PTPRN2: variants seen among roughly 807,000 people sequenced by gnomAD.
PTPRN2 encodes the protein receptor-type tyrosine-protein phosphatase N2.
In PTPRN2, 74 loss-of-function variants were observed where a neutral mutation model predicts 118.8. The observed-to-expected ratio is 0.62, with a 90% CI of 0.52 to 0.76. The LOEUF (loss-of-function observed/expected upper bound fraction) is 0.76. Ranked by LOEUF, PTPRN2 falls within the 30% of genes least tolerant of loss-of-function variation. The pLI is 0.00. For synonymous variants in PTPRN2, 641 were observed against 608.0 expected, an observed-to-expected ratio of 1.05 and a Z score of -0.80; for missense variants, 1,481 against 1,394.4, an observed-to-expected ratio of 1.06 and a Z score of -0.99.
chr7:158,404,710 CCCGGCCCCCAGCTCT>C (rs1347781855), intron 2 of PTPRN2, among the ~76,000 whole-genome samples: 96 of 149,138 alleles, frequency 6.4e-4, no homozygotes, highest in African/African-American at 1.9e-3. Context: ...CCTCCAGCTC[CCCGGCCCCCAGCTCT>C]CCGGCCCCCA....
At chr7:157,876,816 C>T (rs1387197730) in intron 12 of PTPRN2, among the ~76,000 whole-genome samples, 2 of 152,210 alleles carry the variant, frequency 1.3e-5, no homozygotes, top group Non-Finnish European at 1.5e-5. Flanking sequence ...CCAGCAGCCA[C>T]CTGGGGACAG....
At chr7:158,323,863 A>C (rs886930037) in intron 2 of PTPRN2, among the ~76,000 whole-genome samples, 1 of 152,086 alleles carries the variant, frequency 6.6e-6, no homozygotes, top group African/African-American at 2.4e-5. Context: ...ATGCACATTC[A>C]TACCTGCATG....
At position 157,655,696 on chromosome 7, in the gene PTPRN2, G is replaced by A. The variant is rs367728226; in HGVS notation, c.2196+661C>T. 3.2e-4 allele frequency among the ~76,000 whole-genome samples: 49 copies of A among 152,318 alleles called. No individual in the cohort carries two copies. In the South Asian group the frequency reaches 8.5e-3, roughly 26 times the overall value. ...GGTCACCCACCAGGACGACGCCTAC[G>A]GCCTGGAGATCCAGGAGGCAGCCAG... On this transcript the variant is annotated intron_variant, in intron 14 of 22. Coordinates refer to ENST00000389418, the MANE Select transcript of PTPRN2 (RefSeq NM_002847.5).
chr7:158,397,914 C>A (rs191134428), intron 2 of PTPRN2, among the ~76,000 whole-genome samples: 11 of 152,260 alleles, frequency 7.2e-5, no homozygotes, highest in African/African-American at 2.4e-4. Context: ...TTTCCAATGC[C>A]ATGAACGTAA....
chr7:158,432,132 G>A (rs1191662377), intron 2 of PTPRN2, among the ~76,000 whole-genome samples: 1 of 152,236 alleles, frequency 6.6e-6, no homozygotes, highest in Non-Finnish European at 1.5e-5. Context: ...GGGCGGGGAG[G>A]ACTCAGAGTT....
At chr7:158,462,624 C>T (rs1433851824) in intron 2 of PTPRN2, among the ~76,000 whole-genome samples, 1 of 152,132 alleles carries the variant, frequency 6.6e-6, no homozygotes, top group African/African-American at 2.4e-5. Flanking sequence ...AGGAGTGGTT[C>T]CTCAATGAAT....
intron 5 of PTPRN2, among the ~76,000 whole-genome samples, chr7:158,187,137 A>G (rs1045822846): frequency 5.9e-5 from 9 of 152,264 alleles, no homozygotes; most frequent in Non-Finnish European, 1.2e-4. Context: ...TAAGTGCTCA[A>G]TTAGTGTTTA....
At chr7:158,531,044 A>T (rs1825192347) in intron 1 of PTPRN2, among the ~76,000 whole-genome samples, 1 of 152,146 alleles carries the variant, frequency 6.6e-6, no homozygotes, top group Admixed American at 6.5e-5. Context: ...GAACATGTGC[A>T]TGGGCGTGGG....
intron 13 of PTPRN2, among the ~76,000 whole-genome samples, chr7:157,657,737 CAT>C (rs1795643555): frequency 7.6e-6 from 1 of 131,314 alleles, no homozygotes; most frequent in South Asian, 2.6e-4. Context: ...ACACATCACA[CAT>C]ATACACACAC....
intron 12 of PTPRN2, among the ~76,000 whole-genome samples, chr7:157,809,034 A>G (rs1026565299): frequency 2.5e-4 from 38 of 152,312 alleles, no homozygotes; most frequent in African/African-American, 8.7e-4. Context: ...ACTTGCTTTT[A>G]TGTGGAATGT....
At chr7:157,741,163 C>T (rs1800613251) in intron 12 of PTPRN2, among the ~76,000 whole-genome samples, 1 of 152,244 alleles carries the variant, frequency 6.6e-6, no homozygotes, top group Non-Finnish European at 1.5e-5. Flanking sequence ...CCCTGTCCAC[C>T]AGCCCTATGG....
In PTPRN2 at chr7:158,093,903, G is replaced by A. The variant is rs1055362653; in HGVS notation, c.1644-12526C>T. The stretch of plus-strand genomic sequence containing the variant: ...TGCAAGATAATTTAACATCATGCAA[G>A]CCTTAATGAAAACATAATTATTAAT... On this transcript the variant is annotated intron_variant, in intron 10 of 22. Transcript: ENST00000389418. This position sits in a 1 kb window ranked among gnomAD's most constrained non-coding sequence, Gnocchi z 4.4. Among the ~76,000 whole-genome samples, 1 of 152,176 alleles carries A rather than the reference G, an allele frequency of 6.6e-6. No individual in the cohort carries two copies. The highest frequency in any genetic ancestry group is 6.5e-5 in the Admixed American group (1 of 15,278).
rs147477247 is a variant in PTPRN2 at position 158,568,932 on chromosome 7, T to C, written c.112+18626A>G. On this transcript the variant is annotated intron_variant, in intron 1 of 22. Transcript: ENST00000389418. ...CTTTAGCCCAGGAGTTTGAGGACAG[T>C]CTGGTCAACATAGTGAGACCCCATC... Among the ~76,000 whole-genome samples the C allele has an allele frequency of 1.4e-3, 214 of 152,214 alleles. 2 individuals carry two copies. Among genetic ancestry groups the C allele is most frequent in the African/African-American group, 5.0e-3 (208 of 41,544 alleles).
intron 12 of PTPRN2, among the ~76,000 whole-genome samples, chr7:157,687,695 T>C (rs776576902): frequency 2.6e-5 from 4 of 152,234 alleles, no homozygotes; most frequent in Non-Finnish European, 4.4e-5. Context: ...CTTAGAATTA[T>C]TAGGAAATTT....
intron 3 of PTPRN2, among the ~76,000 whole-genome samples, chr7:158,296,006 T>C (rs4909170): frequency 0.96 from 146,282 of 152,296 alleles, 70,327 homozygotes; most frequent in African/African-American, 0.99. Flanking sequence ...GCTTCTGATA[T>C]GGGAGATGGG....
At chr7:158,009,231 C>G (rs1190289444) in intron 11 of PTPRN2, among the ~76,000 whole-genome samples, 1 of 152,114 alleles carries the variant, frequency 6.6e-6, no homozygotes, top group Non-Finnish European at 1.5e-5. Context: ...TGAAAACGCT[C>G]TGATCAATGA....
intron 1 of PTPRN2, among the ~76,000 whole-genome samples, chr7:158,522,979 G>A (rs1221902190): frequency 1.3e-5 from 2 of 152,202 alleles, no homozygotes; most frequent in East Asian, 1.9e-4. Context: ...CCAAAAATGG[G>A]AATTTCAAGA....
At chr7:158,017,481 C>T (rs918365530) in intron 11 of PTPRN2, among the ~76,000 whole-genome samples, 3 of 152,214 alleles carry the variant, frequency 2.0e-5, no homozygotes, top group African/African-American at 7.2e-5. Context: ...GAGTCCAGGC[C>T]TGAACTAGCA....
intron 2 of PTPRN2, among the ~76,000 whole-genome samples, chr7:158,457,968 C>A (rs1047378564): frequency 6.6e-6 from 1 of 152,152 alleles, no homozygotes; most frequent in African/African-American, 2.4e-5. Context: ...GGAAGGGTTC[C>A]GGGTCTCCTG....
Sources: gnomAD v4.1 joint callset for allele counts (sites outside exome capture counted in the v4.1 genomes callset) on GRCh38, gnomAD v4.1.1 for gene constraint, Gnocchi (gnomAD v3.1) non-coding constraint, MANE v1.5 for transcripts, NCBI Gene and HGNC (gene_info 2026-07-23, HGNC 2026-07-21) for gene names.